The following RAB38 variants were observed in gnomAD, a reference collection of about 807,000 sequenced individuals.
The protein encoded by RAB38 is ras-related protein Rab-38.
Under a neutral mutation model 18.4 loss-of-function variants are expected in RAB38, and 15 were observed. The ratio of observed to expected loss-of-function variants is 0.82; its 90% CI spans 0.55 to 1.26. The LOEUF is 1.26. Among genes scored for constraint, RAB38 ranks in the 50% most tolerant of loss-of-function variants. The probability of loss-of-function intolerance (pLI) is 0.00; values close to 1 mark genes in which losing one functional copy is unlikely to be tolerated. For missense variants in RAB38, 294 were observed against 267.4 expected, an observed-to-expected ratio of 1.10 and a Z score of -0.69; for synonymous variants, 101 against 104.4, an observed-to-expected ratio of 0.97 and a Z score of 0.20.
the RAB38 span, among the ~76,000 whole-genome samples, chr11:88,085,011 C>T: frequency 0.22 from 33,559 of 151,652 alleles, 4,715 homozygotes; most frequent in African/African-American, 0.39. Context: ...ATGGGTAATT[C>T]GATAAGAGTT....
intron 2 of RAB38, among the ~76,000 whole-genome samples, chr11:88,144,445 C>A (rs757717622): frequency 1.2e-4 from 18 of 152,132 alleles, no homozygotes; most frequent in African/African-American, 3.9e-4. Flanking sequence ...GGAAATTCCC[C>A]GAAGATAGCA....
At chr11:87,871,477 A>T in the RAB38 span, among the ~76,000 whole-genome samples, 1 of 151,736 alleles carries the variant, frequency 6.6e-6, no homozygotes, top group Non-Finnish European at 1.5e-5. Context: ...ACACAGTCAT[A>T]TACCTATGTT....
the RAB38 span, among the ~76,000 whole-genome samples, chr11:87,871,567 T>C: frequency 6.6e-6 from 1 of 151,530 alleles, no homozygotes; most frequent in East Asian, 2.0e-4. Context: ...TATAATTTTA[T>C]AAAAATATAA....
chr11:88,036,141 C>T, the RAB38 span, among the ~76,000 whole-genome samples: 1 of 152,022 alleles, frequency 6.6e-6, no homozygotes, highest in African/African-American at 2.4e-5. Context: ...TAATGGGAGT[C>T]CAGTTAAGCT....
At chr11:87,963,849 T>C in the RAB38 span, among the ~76,000 whole-genome samples, 1 of 152,042 alleles carries the variant, frequency 6.6e-6, no homozygotes, top group Non-Finnish European at 1.5e-5. Context: ...GGTTTCACCA[T>C]GTTGGCCAGG....
the RAB38 span, among the ~76,000 whole-genome samples, chr11:88,035,340 C>T: frequency 6.6e-6 from 1 of 152,048 alleles, no homozygotes; most frequent in Non-Finnish European, 1.5e-5. Flanking sequence ...TGTTTTTATT[C>T]TCTAACAACT....
the RAB38 span, among the ~76,000 whole-genome samples, chr11:88,048,017 C>G: frequency 6.6e-6 from 1 of 152,154 alleles, no homozygotes; most frequent in South Asian, 2.1e-4. Context: ...ATTTCCTTTC[C>G]ATCATGAAAA....
the RAB38 span, among the ~76,000 whole-genome samples, chr11:87,824,536 G>C: frequency 1.3e-5 from 2 of 152,162 alleles, no homozygotes; most frequent in Non-Finnish European, 2.9e-5. Context: ...GTAATTGACA[G>C]TTCGGAGACA....
At chr11:88,101,271 TC>T in the RAB38 span, among the ~76,000 whole-genome samples, 1 of 151,994 alleles carries the variant, frequency 6.6e-6, no homozygotes, top group Non-Finnish European at 1.5e-5. Context: ...TAACATTTTT[TC>T]ATAATCTTTG....
the RAB38 span, among the ~76,000 whole-genome samples, chr11:88,037,692 G>A: frequency 9.1e-4 from 139 of 152,164 alleles, no homozygotes; most frequent in African/African-American, 1.6e-3. Context: ...TACAGTATGG[G>A]TCTTTTGTGT....
At chr11:88,088,505 C>T in the RAB38 span, among the ~76,000 whole-genome samples, 1 of 151,868 alleles carries the variant, frequency 6.6e-6, no homozygotes, top group East Asian at 2.0e-4. Flanking sequence ...TTTATGAAGA[C>T]TAAGTCTTCT....
chr11:88,160,572 AATCAACCTAGGTGCCC>A (rs1051610854), intron 1 of RAB38, among the ~76,000 whole-genome samples: 20 of 152,140 alleles, frequency 1.3e-4, no homozygotes. Flanking sequence ...AAAGACATGG[AATCAACCTAGGTGCCC>A]ATCAATGGTG....
chr11:88,079,122 A>T, the RAB38 span, among the ~76,000 whole-genome samples: 2 of 151,898 alleles, frequency 1.3e-5, no homozygotes, highest in Non-Finnish European at 2.9e-5. Context: ...AGTCAACTAA[A>T]AAACAATAGA....
At chr11:88,053,875 G>A in the RAB38 span, among the ~76,000 whole-genome samples, 1 of 151,192 alleles carries the variant, frequency 6.6e-6, no homozygotes, top group Non-Finnish European at 1.5e-5. Flanking sequence ...AGATGAGAAA[G>A]GCATTCTTAC....
chr11:87,976,824 G>T, the RAB38 span, among the ~76,000 whole-genome samples: 7 of 64,566 alleles, frequency 1.1e-4, no homozygotes, highest in Admixed American at 2.1e-4. Flanking sequence ...ATTATACAAT[G>T]TATAATATAA....
At chr11:88,105,980 A>G in the RAB38 span, among the ~76,000 whole-genome samples, 1 of 152,190 alleles carries the variant, frequency 6.6e-6, no homozygotes, top group Non-Finnish European at 1.5e-5. Context: ...ACAATGAATT[A>G]TAGCTTCTAA....
the RAB38 span, among the ~76,000 whole-genome samples, chr11:87,822,522 T>C: frequency 6.6e-6 from 1 of 152,226 alleles, no homozygotes; most frequent in African/African-American, 2.4e-5. Context: ...GAATCCTTTT[T>C]GAAGGACCTC....
chr11:88,010,122 T>G, the RAB38 span, among the ~76,000 whole-genome samples: 2 of 152,194 alleles, frequency 1.3e-5, no homozygotes, highest in African/African-American at 4.8e-5. Flanking sequence ...TGACATCATG[T>G]TGCCATCAAA....
the RAB38 span, among the ~76,000 whole-genome samples, chr11:87,950,190 T>C: frequency 3.3e-5 from 5 of 152,200 alleles, no homozygotes; most frequent in Admixed American, 1.3e-4. Context: ...GTCTGTTTTA[T>C]CAGAGACTAG....
Sources: allele counts gnomAD v4.1 joint callset (sites outside exome capture counted in the v4.1 genomes callset), GRCh38; gene constraint gnomAD v4.1.1; transcripts MANE v1.5; gene names NCBI Gene and HGNC (gene_info 2026-07-23, HGNC 2026-07-21).